SEMA5A: variants seen among roughly 807,000 people sequenced by gnomAD.
The protein encoded by SEMA5A is semaphorin 5A.
In SEMA5A, 55 loss-of-function variants were observed where a neutral mutation model predicts 135.5. The ratio of observed to expected loss-of-function variants is 0.41; its 90% CI spans 0.33 to 0.51. The LOEUF (loss-of-function observed/expected upper bound fraction) is 0.51. Among genes scored for constraint, SEMA5A ranks in the 20% least tolerant of loss-of-function variants. The pLI is 0.37. For missense variants in SEMA5A, 1,290 were observed against 1,419.9 expected (o/e 0.91, Z 1.47); for synonymous variants, 580 against 546.5 (o/e 1.06, Z -0.85).
rs1404443194 is a variant in SEMA5A at position 9,154,485 on chromosome 5, T to A, written c.1481+3A>T. 3.7e-6 allele frequency: 6 copies of A among 1,611,876 alleles called. No individual in the cohort carries two copies. The highest frequency in any genetic ancestry group is 5.1e-6 in the Non-Finnish European group (6 of 1,179,862). On this transcript the variant is annotated splice_donor_region_variant and intron_variant, in intron 12 of 22. Transcript: ENST00000382496. ...GTGCATCCTGACCCCGGAGATGCCC[T>A]ACCTGCGTGTGCGGTAGAACTGGCA...
intron 2 of SEMA5A, among the ~76,000 whole-genome samples, chr5:9,410,388 C>T (rs1289978196): frequency 6.6e-6 from 1 of 152,116 alleles, no homozygotes; most frequent in Non-Finnish European, 1.5e-5. Context: ...TTCCATTTTC[C>T]TGGGGCTGTT....
In SEMA5A at chr5:9,230,158, C is replaced by CTT. The variant is rs5865817; in HGVS notation, c.334-3193_334-3192dup. On this transcript the variant is annotated intron_variant, in intron 6 of 22. Coordinates refer to ENST00000382496, the MANE Select transcript of SEMA5A (RefSeq NM_003966.3). ...TGCCACCACCCCTGGCTATTTTTTTCTTTTTTTTTTTTTTTTTTTTTTGTA... is the reference window on the plus strand; with the variant it reads ...TGCCACCACCCCTGGCTATTTTTTTCTTTTTTTTTTTTTTTTTTTTTTTTGTA... Among the ~76,000 whole-genome samples, 912 of 98,240 alleles carry CTT rather than the reference C, an allele frequency of 9.3e-3. 9 individuals carry two copies. Among genetic ancestry groups the CTT allele is most frequent in the African/African-American group, 0.024 (626 of 26,120 alleles). The allele number at this position is 98,240 out of a possible 152,430, so 64.4% of individuals were successfully genotyped here. A position where few individuals can be genotyped will look rare whatever the true frequency, so the allele number is the denominator to read the frequency against.
chr5:9,432,328 G>GTA (rs1279868573), intron 2 of SEMA5A, among the ~76,000 whole-genome samples: 1 of 152,160 alleles, frequency 6.6e-6, no homozygotes, highest in Admixed American at 6.5e-5. Flanking sequence ...CACTCAGCAT[G>GTA]TTTAAGCAAG....
chr5:9,474,228 A>G (rs926284523), intron 1 of SEMA5A, among the ~76,000 whole-genome samples: 1 of 152,162 alleles, frequency 6.6e-6, no homozygotes, highest in Non-Finnish European at 1.5e-5. Context: ...GTGGAGTCCG[A>G]GCATCCCAAA....
chr5:9,127,149 G>T (rs959979), intron 13 of SEMA5A, among the ~76,000 whole-genome samples: 15,581 of 152,174 alleles, frequency 0.1, 1,449 homozygotes, highest in East Asian at 0.3. Flanking sequence ...CATAAAACAG[G>T]TTAGCCTGCG....
intron 1 of SEMA5A, among the ~76,000 whole-genome samples, chr5:9,528,374 C>A (rs1737253757): frequency 6.6e-6 from 1 of 152,196 alleles, no homozygotes; most frequent in Non-Finnish European, 1.5e-5. Flanking sequence ...TTCCTATTCA[C>A]TAAACATGAG....
chr5:9,465,076 T>C (rs1365183348), intron 1 of SEMA5A, among the ~76,000 whole-genome samples: 1 of 77,402 alleles, frequency 1.3e-5, no homozygotes, highest in Admixed American at 1.4e-4. Context: ...TTCTGGATTC[T>C]GGATCCTGGA....
intron 5 of SEMA5A, among the ~76,000 whole-genome samples, chr5:9,310,899 T>C (rs1752098964): frequency 6.6e-6 from 1 of 150,974 alleles, no homozygotes; most frequent in Non-Finnish European, 1.5e-5. Context: ...AACACACATA[T>C]GAATCTTTAG....
intron 11 of SEMA5A, among the ~76,000 whole-genome samples, chr5:9,176,622 G>C (rs1479262031): frequency 1.3e-5 from 2 of 152,244 alleles, no homozygotes; most frequent in African/African-American, 2.4e-5. Flanking sequence ...TTGTTGAACT[G>C]TGTGTGAAGC....
At chr5:9,162,562 G>GTATATATA (rs1267036137) in intron 11 of SEMA5A, among the ~76,000 whole-genome samples, 2,205 of 63,096 alleles carry the variant, frequency 0.035, 48 homozygotes, top group Non-Finnish European at 0.055. Flanking sequence ...GTGTGTGTGT[G>GTATATATA]TGTATATATA....
chr5:9,115,697 G>A (rs1740472571), intron 15 of SEMA5A, among the ~76,000 whole-genome samples: 1 of 152,164 alleles, frequency 6.6e-6, no homozygotes, highest in Non-Finnish European at 1.5e-5. Context: ...AATGCATTCA[G>A]CATGTGAGGG....
At chr5:9,530,140 G>A (rs1737360874) in intron 1 of SEMA5A, among the ~76,000 whole-genome samples, 1 of 152,178 alleles carries the variant, frequency 6.6e-6, no homozygotes, top group African/African-American at 2.4e-5. Context: ...TGCCTCCTCT[G>A]GCCATGTTAG....
chr5:9,454,637 C>A (rs140848423), intron 1 of SEMA5A, among the ~76,000 whole-genome samples: 1 of 152,222 alleles, frequency 6.6e-6, no homozygotes, highest in East Asian at 1.9e-4. Flanking sequence ...AACAAAAAAG[C>A]AAAGTGATTC....
intron 2 of SEMA5A, among the ~76,000 whole-genome samples, chr5:9,436,482 T>C (rs1758035980): frequency 6.6e-6 from 1 of 152,186 alleles, no homozygotes; most frequent in Admixed American, 6.5e-5. Context: ...TCTACACATC[T>C]ATACAGAGGG....
intron 15 of SEMA5A, among the ~76,000 whole-genome samples, chr5:9,110,335 G>A (rs1740171227): frequency 6.6e-6 from 1 of 152,170 alleles, no homozygotes; most frequent in African/African-American, 2.4e-5. Flanking sequence ...GATTCGAGGA[G>A]CTCCTCATAT....
intron 11 of SEMA5A, among the ~76,000 whole-genome samples, chr5:9,179,946 T>G (rs1192277523): frequency 2.0e-5 from 3 of 152,200 alleles, no homozygotes; most frequent in African/African-American, 7.2e-5. Context: ...AAGTCTGAAA[T>G]CAAGGTATCA....
At position 9,237,213 on chromosome 5, in the gene SEMA5A, C is replaced by T. The variant is rs1229582690; in HGVS notation, c.333+615G>A. 2.6e-5 allele frequency among the ~76,000 whole-genome samples: 4 copies of T among 152,304 alleles called. No individual in the cohort carries two copies. The East Asian group carries it at 7.7e-4, about 29-fold the overall frequency. ...CCTCAAGTTGATCATGAATAATTTT[C>T]TCAAAGACACATAGTCTTCCTGGAA... On this transcript the variant is annotated intron_variant, in intron 6 of 22. Transcript: ENST00000382496.
intron 5 of SEMA5A, among the ~76,000 whole-genome samples, chr5:9,271,856 C>G (rs1320732099): frequency 6.6e-6 from 1 of 152,214 alleles, no homozygotes. Flanking sequence ...TTCTCACGCT[C>G]TTCACAACCC....
At chr5:9,316,628 G>A (rs1752400555) in intron 5 of SEMA5A, among the ~76,000 whole-genome samples, 1 of 151,930 alleles carries the variant, frequency 6.6e-6, no homozygotes, top group South Asian at 2.1e-4. Context: ...CTTTAAAATG[G>A]CATTATGATT....
Sources: allele counts gnomAD v4.1 joint callset (sites outside exome capture counted in the v4.1 genomes callset), GRCh38; gene constraint gnomAD v4.1.1; transcripts MANE v1.5; gene names NCBI Gene and HGNC (gene_info 2026-07-23, HGNC 2026-07-21).